The following INTS11 variants were observed in gnomAD, a reference collection of about 807,000 sequenced individuals.
INTS11 encodes integrator complex subunit 11.
INTS11 carries 77 observed loss-of-function variants against 78.6 expected under a neutral mutation model. The ratio of observed to expected loss-of-function variants is 0.98; its 90% CI spans 0.81 to 1.18. INTS11 has a LOEUF of 1.18. Ranked by LOEUF, INTS11 falls within the 50% of genes most tolerant of loss-of-function variation. The pLI, the probability that INTS11 is intolerant of heterozygous loss-of-function variation, is 0.00. For synonymous variants in INTS11, 441 were observed against 326.9 expected, an observed-to-expected ratio of 1.35 and a Z score of -3.77; for missense variants, 875 against 825.9, an observed-to-expected ratio of 1.06 and a Z score of -0.73.
chr1:1,315,043 G>C (rs1642494702), intron 6 of INTS11, 81 bp from the exon 7 acceptor site: 2 of 1,540,750 alleles, frequency 1.3e-6, no homozygotes, highest in South Asian at 2.3e-5. Flanking sequence ...CTGGACCCCA[G>C]TACCACGCCC....
At chr1:1,318,588 G>T (rs991474465) in intron 4 of INTS11, 2 of 306,800 alleles carry the variant, frequency 6.5e-6, no homozygotes, top group African/African-American at 2.2e-5. Flanking sequence ...AACCCGGGAG[G>T]CCGAGGCTGC....
Position 1,313,508 on chromosome 1 carries a change from C to A in INTS11, c.1041+1G>T. 1.2e-6 allele frequency: 2 copies of A among 1,613,040 alleles called. No individual in the cohort carries two copies. On this transcript the variant is annotated splice_donor_variant, in intron 10 of 16. Coordinates refer to ENST00000435064, the MANE Select transcript of INTS11 (RefSeq NM_017871.6). LOFTEE classifies it high-confidence loss of function. The stretch of plus-strand genomic sequence containing the variant: ...ATTCCCACACCTCACCATGCCCTCA[C>A]CATGTTCTTTTCGTTTCCGGCCCAT...
chr1:1,318,596 T>C (rs1642752834), intron 4 of INTS11: 1 of 331,244 alleles, frequency 3.0e-6, no homozygotes. Flanking sequence ...AGGCCGAGGC[T>C]GCAGTGAGCC....
At position 1,313,916 on chromosome 1, in the gene INTS11, C is replaced by G. The variant is rs866968578; in HGVS notation, c.773G>C (p.Arg258Pro). ...GTAGATGGGCACCTTCAGGTTCATGCGCTCCCTGGGGACCACCGGCCCAGT... is the reference window on the plus strand; with the variant it reads ...GTAGATGGGCACCTTCAGGTTCATGGGCTCCCTGGGGACCACCGGCCCAGT... ...LCILLETFWERMNLKVPIYFS... is the reference protein window; with the variant it reads ...LCILLETFWEPMNLKVPIYFS... The change falls in exon 9 of 17, where the codon CGC (arginine) becomes CCC (proline). Residue 258 changes from arginine (R) to proline (P), a missense_variant. Transcript: ENST00000435064. 6.2e-7 allele frequency: 1 copy of G among 1,611,542 alleles called. No individual in the cohort carries two copies. Among genetic ancestry groups the G allele is most frequent in the Admixed American group, 1.7e-5 (1 of 59,956 alleles).
Position 1,324,642 on chromosome 1 carries a change from G to A in INTS11, c.-34C>T, listed in dbSNP as rs761293670. The A allele has an allele frequency of 1.3e-6, 2 of 1,597,740 alleles. No homozygotes were observed. The highest frequency in any genetic ancestry group is 2.2e-5 in the South Asian group (2 of 89,218). ...CCGCGCTCCCGGACCCGCGAGGCCC[G>A]CCTGCGGTGATGCACTGCGCAGGCG... On this transcript the variant is annotated 5_prime_UTR_variant, in exon 1 of 17. Coordinates refer to ENST00000435064, the MANE Select transcript of INTS11 (RefSeq NM_017871.6).
rs749620893 is a variant in INTS11, at chr1:1,312,420, G to T, written c.1464+20C>A. The T allele has an allele frequency of 6.4e-6, 10 of 1,565,374 alleles. No individual in the cohort carries two copies. The Admixed American group carries it at 1.5e-4, about 24-fold the overall frequency. On this transcript the variant is annotated intron_variant, in intron 14 of 16. Coordinates refer to ENST00000435064, the MANE Select transcript of INTS11 (RefSeq NM_017871.6). ...CGCAGCAGCGGCCCTCCCCCCTCCA[G>T]AGACCGTCCTGGCACTCACGCTGTC...
intron 1 of INTS11, chr1:1,322,781 C>G: frequency 1.6e-6 from 1 of 613,362 alleles, no homozygotes; most frequent in Non-Finnish European, 2.1e-6. Flanking sequence ...CAGGCCAAGG[C>G]GTGGGAGTGA....
chr1:1,314,623 A>C lies in INTS11; in HGVS notation c.702+201T>G, dbSNP rs1305880824. The C allele has an allele frequency of 1.4e-6, 1 of 698,344 alleles. No homozygotes were observed. Among genetic ancestry groups the C allele is most frequent in the Non-Finnish European group, 2.3e-6 (1 of 425,878 alleles). 43.3% of individuals were successfully genotyped at this position (698,344 alleles called of 1,614,324 possible). On this transcript the variant is annotated intron_variant, in intron 7 of 16. Coordinates refer to ENST00000435064, the MANE Select transcript of INTS11 (RefSeq NM_017871.6). The surrounding 1 kb of genome is among the most constrained non-coding windows in gnomAD (Gnocchi z 4.2). ...CTGGCCAGGGCTTCGTCCGCACCTGAGGTAGGAGGGAAAAGGGGCTCCCTA... is the reference window on the plus strand; with the variant it reads ...CTGGCCAGGGCTTCGTCCGCACCTGCGGTAGGAGGGAAAAGGGGCTCCCTA...
intron 9 of INTS11, 38 bp from the exon 10 acceptor site, chr1:1,313,630 G>A (rs748893742): frequency 2.1e-5 from 34 of 1,611,098 alleles, no homozygotes; most frequent in Non-Finnish European, 1.7e-5. Context: ...GGTCAGGGCA[G>A]CAGATGCCCC....
At chr1:1,316,929 A>T (rs35031478) in intron 4 of INTS11, 28,917 of 151,834 alleles carry the variant, frequency 0.19, 4,522 homozygotes, top group East Asian at 0.79. Context: ...GTCTCAAAAA[A>T]AAATAAATAA....
At position 1,313,593 on chromosome 1, in the gene INTS11, C is replaced by T. The variant is rs1642379200; in HGVS notation, c.958-1G>A. On this transcript the variant is annotated splice_acceptor_variant, in intron 9 of 16. Coordinates refer to ENST00000435064, the MANE Select transcript of INTS11 (RefSeq NM_017871.6). LOFTEE classifies it high-confidence loss of function. ...GCATTCCTGGCGTGGCAAACACAAC[C>T]TACAGGACACACAGGGCCAGGTGGG... The T allele has an allele frequency of 9.3e-6, 15 of 1,612,950 alleles. No individual in the cohort carries two copies. The highest frequency in any genetic ancestry group is 1.3e-5 in the Non-Finnish European group (15 of 1,180,016).
chr1:1,318,838 A>T (rs1457869366), intron 4 of INTS11: 1 of 616,578 alleles, frequency 1.6e-6, no homozygotes, highest in Admixed American at 2.8e-5. Flanking sequence ...ATGGAATTTC[A>T]CCTGTCACTC....
chr1:1,312,205 G>GGGT lies in INTS11; in HGVS notation c.1607+20_1607+21insACC. ...CTCCAGGGCCCAAGGGAGTGGGGGG[G>GGGT]GGGCGGGGCCGGGCGCCCACCTCTT... On this transcript the variant is annotated intron_variant, in intron 15 of 16. Transcript: ENST00000435064. 2.5e-6 allele frequency: 3 copies of GGGT among 1,180,156 alleles called. No homozygotes were observed. The South Asian group carries it at 4.2e-5, about 16-fold the overall frequency. 73.1% of individuals were successfully genotyped at this position (1,180,156 alleles called of 1,614,324 possible).
chr1:1,314,197 C>A lies in INTS11; in HGVS notation c.767+104G>T. On this transcript the variant is annotated intron_variant, in intron 8 of 16. Transcript: ENST00000435064. The surrounding 1 kb of genome is among the most constrained non-coding windows in gnomAD (Gnocchi z 4.2). ...AGCGGCCCCCCAGGACAGCAGCAAG[C>A]AGGGCCAAGATGCCACCGCTACGCT... is the stretch of plus-strand genomic sequence containing the variant. The A allele has an allele frequency of 8.9e-7, 1 of 1,124,548 alleles. No individual in the cohort carries two copies. The highest frequency in any genetic ancestry group is 1.3e-6 in the Non-Finnish European group (1 of 759,796). 69.7% of individuals were successfully genotyped at this position (1,124,548 alleles called of 1,614,324 possible).
chr1:1,320,334 GA>G (rs1642870975), intron 3 of INTS11, 121 bp downstream of exon 3: 1 of 878,862 alleles, frequency 1.1e-6, no homozygotes, highest in Non-Finnish European at 1.9e-6. Flanking sequence ...CTGGGGCCTA[GA>G]AGCCCCCTGA....
intron 10 of INTS11, 147 bp from the exon 11 acceptor site, chr1:1,313,271 T>C: frequency 9.9e-7 from 1 of 1,012,762 alleles, no homozygotes. Flanking sequence ...TCCAAAGGGC[T>C]CAGGTTTTGG....
chr1:1,316,117 A>C (rs1219632912), intron 4 of INTS11: 1 of 196,932 alleles, frequency 5.1e-6, no homozygotes, highest in East Asian at 1.5e-4. Flanking sequence ...CCCCGTCTCT[A>C]CTAAAAATAC....
At chr1:1,313,428 G>A (rs1442589403) in intron 10 of INTS11, 81 bp downstream of exon 10, 11 of 1,507,558 alleles carry the variant, frequency 7.3e-6, no homozygotes, top group African/African-American at 1.4e-5. Flanking sequence ...CCAAGCCAGT[G>A]AGAGCTCAGA....
intron 4 of INTS11, chr1:1,317,529 C>T (rs1431036142): frequency 3.5e-6 from 3 of 850,918 alleles, no homozygotes; most frequent in African/African-American, 1.8e-5. Context: ...AAACAGATGA[C>T]GGAGTTTCAA....
Sources: gnomAD v4.1 joint callset for allele counts on GRCh38, gnomAD v4.1.1 for gene constraint, Gnocchi (gnomAD v3.1) non-coding constraint, MANE v1.5 for transcripts, NCBI Gene and HGNC (gene_info 2026-07-23, HGNC 2026-07-21) for gene names.